QTMAN: variants seen among roughly 807,000 people sequenced by gnomAD.
QTMAN encodes the protein tRNA-queuosine alpha-mannosyltransferase.
the QTMAN span, among the ~76,000 whole-genome samples, chr2:143,998,823 T>C: frequency 1.3e-5 from 2 of 152,086 alleles, no homozygotes. Flanking sequence ...GGCTTTGTAT[T>C]TACAACGCCT....
At chr2:144,001,772 G>A in the QTMAN span, among the ~76,000 whole-genome samples, 1 of 151,460 alleles carries the variant, frequency 6.6e-6, no homozygotes, top group Non-Finnish European at 1.5e-5. Flanking sequence ...TGGTCTGAGA[G>A]AGTTGACTTA....
chr2:144,007,072 A>T, the QTMAN span: 1 of 683,188 alleles, frequency 1.5e-6, no homozygotes. Context: ...CCACATTAAA[A>T]TAATCTTTTT....
chr2:144,235,512 G>A, the QTMAN span, among the ~76,000 whole-genome samples: 46 of 152,098 alleles, frequency 3.0e-4, no homozygotes, highest in African/African-American at 1.1e-3. Context: ...TAAGCAGCAG[G>A]GAAATAATCT....
At chr2:144,254,099 T>C in the QTMAN span, among the ~76,000 whole-genome samples, 1 of 152,192 alleles carries the variant, frequency 6.6e-6, no homozygotes, top group Non-Finnish European at 1.5e-5. Context: ...CCACGTAATG[T>C]TGGTCCCATG....
chr2:143,991,521 C>A, the QTMAN span, among the ~76,000 whole-genome samples: 5 of 135,618 alleles, frequency 3.7e-5, no homozygotes, highest in East Asian at 4.7e-4. Context: ...AAGTGAGGAG[C>A]CCCTCTGCCC....
At chr2:144,195,875 C>T in the QTMAN span, among the ~76,000 whole-genome samples, 7 of 151,986 alleles carry the variant, frequency 4.6e-5, no homozygotes, top group Non-Finnish European at 7.4e-5. Context: ...ACTGCATAAT[C>T]CTAAAATCAC....
At chr2:144,013,056 T>G in the QTMAN span, among the ~76,000 whole-genome samples, 1 of 152,146 alleles carries the variant, frequency 6.6e-6, no homozygotes, top group Non-Finnish European at 1.5e-5. Flanking sequence ...ACTGATTCCA[T>G]GGGACACATG....
the QTMAN span, among the ~76,000 whole-genome samples, chr2:144,135,470 G>A: frequency 1.7e-4 from 26 of 152,246 alleles, no homozygotes; most frequent in East Asian, 4.6e-3. Context: ...CTGTTTCTTT[G>A]AAGTATTCCT....
chr2:144,328,342 C>A, the QTMAN span, among the ~76,000 whole-genome samples: 1 of 152,296 alleles, frequency 6.6e-6, no homozygotes, highest in South Asian at 2.1e-4. Context: ...ACTAGATATT[C>A]TTACTAATTG....
the QTMAN span, among the ~76,000 whole-genome samples, chr2:144,185,213 G>T: frequency 6.6e-6 from 1 of 152,090 alleles, no homozygotes; most frequent in Admixed American, 6.6e-5. Flanking sequence ...GGTATTATTA[G>T]TCCCATTTTA....
At chr2:144,023,890 G>T in the QTMAN span, among the ~76,000 whole-genome samples, 1 of 152,150 alleles carries the variant, frequency 6.6e-6, no homozygotes, top group Non-Finnish European at 1.5e-5. Flanking sequence ...CCATTATTTA[G>T]ATGTATTGAG....
the QTMAN span, among the ~76,000 whole-genome samples, chr2:144,008,482 C>T: frequency 6.6e-6 from 1 of 151,940 alleles, no homozygotes; most frequent in African/African-American, 2.4e-5. Context: ...AATACAACTC[C>T]TCAGGAAATA....
the QTMAN span, among the ~76,000 whole-genome samples, chr2:144,034,407 C>T: frequency 6.6e-6 from 1 of 152,266 alleles, no homozygotes. Flanking sequence ...ATGATTCTAT[C>T]CTATTCGCTT....
the QTMAN span, among the ~76,000 whole-genome samples, chr2:144,207,367 T>C: frequency 1.3e-5 from 2 of 152,272 alleles, no homozygotes; most frequent in Middle Eastern, 3.4e-3. Context: ...AAGTTCCTAC[T>C]AGGAACAGCA....
chr2:143,946,339 G>T, the QTMAN span: 1 of 152,142 alleles, frequency 6.6e-6, no homozygotes, highest in Non-Finnish European at 1.5e-5. Flanking sequence ...GCAACTTTAA[G>T]ATTAATTAAA....
At chr2:144,301,026 G>GA in the QTMAN span, among the ~76,000 whole-genome samples, 9 of 151,680 alleles carry the variant, frequency 5.9e-5, no homozygotes, top group East Asian at 1.2e-3. Context: ...CTAGTACATT[G>GA]AAAAAAAGAA....
At chr2:143,976,767 T>C in the QTMAN span, among the ~76,000 whole-genome samples, 1 of 152,372 alleles carries the variant, frequency 6.6e-6, no homozygotes, top group East Asian at 1.9e-4. Flanking sequence ...CAGTGCTTTC[T>C]CTAACCCTAC....
At chr2:144,160,900 A>G in the QTMAN span, among the ~76,000 whole-genome samples, 1 of 152,204 alleles carries the variant, frequency 6.6e-6, no homozygotes, top group African/African-American at 2.4e-5. Flanking sequence ...TGGTCTGGAA[A>G]TTCACCTAAC....
At chr2:144,245,203 T>C in the QTMAN span, among the ~76,000 whole-genome samples, 1 of 152,220 alleles carries the variant, frequency 6.6e-6, no homozygotes, top group Non-Finnish European at 1.5e-5. Context: ...AAAAGCATCT[T>C]GGAAAGTAAA....
Sources: gnomAD v4.1 joint callset for allele counts (sites outside exome capture counted in the v4.1 genomes callset) on GRCh38, gnomAD v4.1.1 for gene constraint, MANE v1.5 for transcripts, NCBI Gene and HGNC (gene_info 2026-07-23, HGNC 2026-07-21) for gene names.